KLHDC1: variants seen among roughly 807,000 people sequenced by gnomAD.
KLHDC1 encodes kelch domain containing 1.
KLHDC1 carries 53 observed loss-of-function variants against 68.3 expected under a neutral mutation model. The ratio of observed to expected loss-of-function variants is 0.78; its 90% CI spans 0.62 to 0.98. KLHDC1 has a LOEUF of 0.98. Among genes scored for constraint, KLHDC1 ranks in the 50% least tolerant of loss-of-function variants. The pLI is 0.00. For synonymous variants in KLHDC1, 148 were observed against 159.0 expected, an observed-to-expected ratio of 0.93 and a Z score of 0.52; for missense variants, 470 against 492.3, an observed-to-expected ratio of 0.95 and a Z score of 0.43.
chr14:49,726,116 C>T (rs1888666189), intron 6 of KLHDC1, among the ~76,000 whole-genome samples: 2 of 152,096 alleles, frequency 1.3e-5, no homozygotes, highest in Admixed American at 1.3e-4. Flanking sequence ...GCAAAGTGCC[C>T]GGATTACAGG....
intron 6 of KLHDC1, among the ~76,000 whole-genome samples, chr14:49,728,041 G>T (rs749593094): frequency 6.6e-6 from 1 of 152,152 alleles, no homozygotes; most frequent in East Asian, 1.9e-4. Flanking sequence ...AACCTCCCTA[G>T]GGTGGCGTAA....
At chr14:49,749,192 C>G (rs192960916) in intron 12 of KLHDC1, among the ~76,000 whole-genome samples, 261 of 152,072 alleles carry the variant, frequency 1.7e-3, no homozygotes, top group Middle Eastern at 0.014. Flanking sequence ...TTAGAGTGAA[C>G]TTAATCATGC....
At chr14:49,693,321 C>T (rs1403986748) in intron 1 of KLHDC1, 31 bp downstream of exon 1, 6 of 1,405,908 alleles carry the variant, frequency 4.3e-6, no homozygotes, top group Non-Finnish European at 5.7e-6. Flanking sequence ...GGGGTAGACT[C>T]GCGCCGGGAG....
chr14:49,735,914 C>T (rs1888920938), intron 10 of KLHDC1, among the ~76,000 whole-genome samples: 1 of 151,950 alleles, frequency 6.6e-6, no homozygotes, highest in Non-Finnish European at 1.5e-5. Context: ...ACTCAGGAGG[C>T]TGAGGTGGGA....
At chr14:49,737,505 T>C (rs2090467290) in intron 10 of KLHDC1, among the ~76,000 whole-genome samples, 1 of 152,128 alleles carries the variant, frequency 6.6e-6, no homozygotes, top group Non-Finnish European at 1.5e-5. Flanking sequence ...AGTTGTGTGG[T>C]AATAAAATAA....
Position 49,713,867 on chromosome 14 carries a change from T to TTC in KLHDC1, c.404+3486_404+3487insTC, listed in dbSNP as rs1594659732. Among the ~76,000 whole-genome samples the TTC allele has an allele frequency of 5.4e-5, 5 of 92,332 alleles. No homozygotes were observed. In the East Asian group the frequency reaches 1.1e-3, roughly 21 times the overall value. 60.6% of individuals were successfully genotyped at this position (92,332 alleles called of 152,430 possible). A position where few individuals can be genotyped will look rare whatever the true frequency, so the allele number is the denominator to read the frequency against. ...ATATATATATTTTTTTTTTTTTTTTTCCTGAGACAGAGTCTCACTCTGTCA... is the reference window on the plus strand; with the variant it reads ...ATATATATATTTTTTTTTTTTTTTTTTCCCTGAGACAGAGTCTCACTCTGTCA... On this transcript the variant is annotated intron_variant, in intron 4 of 12. Transcript: ENST00000359332.
chr14:49,713,837 TATATATATATA>T (rs1888291021), intron 4 of KLHDC1, among the ~76,000 whole-genome samples: 1 of 5,146 alleles, frequency 1.9e-4, no homozygotes, highest in African/African-American at 4.9e-4. Flanking sequence ...TATATATATA[TATATATATATA>T]TATTTTTTTT....
chr14:49,701,935 G>T (rs1445100682), intron 1 of KLHDC1, among the ~76,000 whole-genome samples: 2 of 151,396 alleles, frequency 1.3e-5, no homozygotes, highest in Admixed American at 6.6e-5. Context: ...TTGGGAGGCC[G>T]AGGCGGGCAG....
chr14:49,733,980 AT>A (rs1214454200), intron 9 of KLHDC1, among the ~76,000 whole-genome samples: 1 of 152,172 alleles, frequency 6.6e-6, no homozygotes, highest in East Asian at 1.9e-4. Flanking sequence ...TGAGATTTTT[AT>A]TTAAAAGAGA....
At chr14:49,712,460 G>C (rs1470766150) in intron 4 of KLHDC1, among the ~76,000 whole-genome samples, 2 of 150,928 alleles carry the variant, frequency 1.3e-5, no homozygotes, top group Non-Finnish European at 2.9e-5. Context: ...TCTTGTGTTA[G>C]CTGTTGGTTT....
At chr14:49,741,662 T>C (rs527929938) in intron 11 of KLHDC1, among the ~76,000 whole-genome samples, 25 of 152,288 alleles carry the variant, frequency 1.6e-4, no homozygotes, top group Admixed American at 9.8e-4. Flanking sequence ...GTTTTACATT[T>C]AAGTTTAAAG....
intron 1 of KLHDC1, among the ~76,000 whole-genome samples, chr14:49,699,161 C>CAAA (rs34856234): frequency 3.5e-4 from 38 of 107,758 alleles, no homozygotes; most frequent in African/African-American, 1.2e-3. Context: ...AAGACTGTCT[C>CAAA]AAAAAAAAAA....
chr14:49,710,506 A>AATATCTG (rs1888171815), intron 4 of KLHDC1, 125 bp downstream of exon 4: 4 of 584,662 alleles, frequency 6.8e-6, no homozygotes, highest in Non-Finnish European at 1.2e-5. Flanking sequence ...CTAAATAATC[A>AATATCTG]ATATCTGACA....
intron 6 of KLHDC1, among the ~76,000 whole-genome samples, chr14:49,726,373 G>C (rs1036739742): frequency 6.6e-6 from 1 of 152,078 alleles, no homozygotes; most frequent in African/African-American, 2.4e-5. Context: ...CTGCATTCTA[G>C]CCTGGGCAAC....
At chr14:49,710,786 A>G (rs960654367) in intron 4 of KLHDC1, among the ~76,000 whole-genome samples, 1 of 152,156 alleles carries the variant, frequency 6.6e-6, no homozygotes, top group African/African-American at 2.4e-5. Context: ...AAGAAGGGGA[A>G]CTTTAGTTAT....
chr14:49,709,244 A>G lies in KLHDC1; in HGVS notation c.167+15A>G. On this transcript the variant is annotated intron_variant, in intron 2 of 12. Transcript: ENST00000359332. The stretch of plus-strand genomic sequence containing the variant: ...AGTGGGTTGTGGTAAGTAATTTTAA[A>G]TTGCATACTGTCTGATCTTAATATC... The G allele has an allele frequency of 9.0e-7, 1 of 1,109,560 alleles. No homozygotes were observed. Among genetic ancestry groups the G allele is most frequent in the South Asian group, 1.4e-5 (1 of 72,898 alleles). 68.7% of individuals were successfully genotyped at this position (1,109,560 alleles called of 1,614,324 possible).
rs916217223 is a variant in KLHDC1, at chr14:49,752,913, TAAAG to T, written c.*1145_*1148del. The T allele has an allele frequency of 5.9e-5, 9 of 152,174 alleles. No individual in the cohort carries two copies. Among genetic ancestry groups the T allele is most frequent in the African/African-American group, 1.4e-4 (6 of 41,572 alleles). 9.4% of individuals were successfully genotyped at this position (152,174 alleles called of 1,614,324 possible). On this transcript the variant is annotated 3_prime_UTR_variant, in exon 13 of 13. Coordinates refer to ENST00000359332, the MANE Select transcript of KLHDC1 (RefSeq NM_172193.3). ...AAGTTATCTCTGAAATTTAAAATGT[TAAAG>T]AAAAACATTTCTATATTGAAATATA...
At chr14:49,713,798 GTATATATATATATATATATATATATATA>G (rs1174449263) in intron 4 of KLHDC1, among the ~76,000 whole-genome samples, 1 of 58,546 alleles carries the variant, frequency 1.7e-5, no homozygotes, top group African/African-American at 6.8e-5. Context: ...GAGGCAGGAG[GTATATATATATATATATATATATATATA>G]TATATATATA....
intron 6 of KLHDC1, among the ~76,000 whole-genome samples, chr14:49,727,874 G>A (rs1415349547): frequency 2.0e-5 from 3 of 152,078 alleles, no homozygotes; most frequent in Non-Finnish European, 4.4e-5. Context: ...ACTTTGAGTA[G>A]CCAGTGAGCT....
Sources: gnomAD v4.1 joint callset for allele counts (sites outside exome capture counted in the v4.1 genomes callset) on GRCh38, gnomAD v4.1.1 for gene constraint, MANE v1.5 for transcripts, NCBI Gene and HGNC (gene_info 2026-07-23, HGNC 2026-07-21) for gene names.